XKR6: variants seen among roughly 807,000 people sequenced by gnomAD.
XKR6 encodes the protein XK-related protein 6.
Under a neutral mutation model 56.7 loss-of-function variants are expected in XKR6, and 22 were observed. That is an observed-to-expected ratio of 0.39 (90% confidence interval 0.28 to 0.55). The LOEUF is 0.55. Ranked by LOEUF, XKR6 falls within the 20% of genes least tolerant of loss-of-function variation. The pLI, the probability that XKR6 is intolerant of heterozygous loss-of-function variation, is 0.66. For synonymous variants in XKR6, 524 were observed against 387.8 expected (o/e 1.35, Z -4.13); for missense variants, 852 against 889.0 (o/e 0.96, Z 0.53).
chr8:11,042,048 C>T (rs1160214492), intron 1 of XKR6, among the ~76,000 whole-genome samples: 2 of 152,164 alleles, frequency 1.3e-5, no homozygotes, highest in Non-Finnish European at 2.9e-5. Context: ...TTGCAGTGGT[C>T]CTTTATGATT....
At chr8:10,965,883 G>T (rs917703851) in intron 1 of XKR6, among the ~76,000 whole-genome samples, 3 of 152,302 alleles carry the variant, frequency 2.0e-5, no homozygotes, top group Non-Finnish European at 2.9e-5. Flanking sequence ...ACACCCAGCA[G>T]GTGTGGGCCA....
intron 1 of XKR6, among the ~76,000 whole-genome samples, chr8:11,179,506 T>C (rs1363867807): frequency 6.6e-6 from 1 of 152,180 alleles, no homozygotes; most frequent in Non-Finnish European, 1.5e-5. Context: ...TATGCACATG[T>C]GTGTGTGTCC....
intron 1 of XKR6, chr8:11,104,886 C>T (rs1252230037): frequency 6.6e-6 from 1 of 152,136 alleles, no homozygotes; most frequent in East Asian, 1.9e-4. Flanking sequence ...GGTTTCAGTG[C>T]TTTTTCACAT....
intron 1 of XKR6, chr8:11,062,833 G>A (rs773046582): frequency 2.4e-5 from 11 of 456,256 alleles, no homozygotes; most frequent in Middle Eastern, 3.3e-4. Flanking sequence ...CAGCGTGGCC[G>A]TGCGCCTGAG....
intron 1 of XKR6, among the ~76,000 whole-genome samples, chr8:10,957,574 T>C (rs1416274621): frequency 6.6e-6 from 1 of 152,252 alleles, no homozygotes; most frequent in East Asian, 1.9e-4. Context: ...CCTGGGATGC[T>C]GATGGCGCAG....
intron 1 of XKR6, among the ~76,000 whole-genome samples, chr8:11,001,322 A>C (rs1264297601): frequency 2.0e-5 from 3 of 152,120 alleles, no homozygotes; most frequent in Non-Finnish European, 4.4e-5. Flanking sequence ...CTAGTGAATA[A>C]ATGGCCTCTT....
rs568313148 is a variant in XKR6 at position 11,148,322 on chromosome 8, G to A, written c.764+52254C>T. Among the ~76,000 whole-genome samples the A allele has an allele frequency of 2.6e-5, 4 of 152,334 alleles. No individual in the cohort carries two copies. The East Asian group carries it at 7.7e-4, about 29-fold the overall frequency. On this transcript the variant is annotated intron_variant, in intron 1 of 2. Coordinates refer to ENST00000416569, the MANE Select transcript of XKR6 (RefSeq NM_173683.4). ...AATAGGAAATTTGGACACAGAAAGT[G>A]ACACGGGATGTGCATGCTCAGAGCA...
chr8:11,096,973 G>C (rs1354187664), intron 1 of XKR6, among the ~76,000 whole-genome samples: 1 of 152,164 alleles, frequency 6.6e-6, no homozygotes, highest in African/African-American at 2.4e-5. Context: ...CACATCCTTT[G>C]TACCATCTGA....
chr8:11,005,436 T>C (rs924053155), intron 1 of XKR6, among the ~76,000 whole-genome samples: 1 of 152,116 alleles, frequency 6.6e-6, no homozygotes, highest in African/African-American at 2.4e-5. Context: ...AGTTATTTAA[T>C]GGGCATGGAG....
intron 1 of XKR6, among the ~76,000 whole-genome samples, chr8:11,079,974 T>A (rs1319270264): frequency 2.0e-5 from 3 of 151,518 alleles, no homozygotes; most frequent in Non-Finnish European, 4.4e-5. Context: ...TCTCAAAAAA[T>A]AAATAAATAA....
chr8:11,050,750 C>A (rs1799526568), intron 1 of XKR6, among the ~76,000 whole-genome samples: 2 of 152,180 alleles, frequency 1.3e-5, no homozygotes, highest in South Asian at 4.2e-4. Flanking sequence ...GCTTACATGC[C>A]CTCTGCCTGT....
chr8:11,102,111 T>G (rs1798506059), intron 1 of XKR6, among the ~76,000 whole-genome samples: 1 of 152,188 alleles, frequency 6.6e-6, no homozygotes, highest in African/African-American at 2.4e-5. Context: ...AACAGTTCTT[T>G]TCTTCCTTAA....
Position 11,200,590 on chromosome 8 carries a change from C to T in XKR6, c.750G>A (p.Met250Ile), listed in dbSNP as rs1804158534. 1 of 1,519,794 alleles carries T rather than the reference C, an allele frequency of 6.6e-7. No individual in the cohort carries two copies. The allele number at this position is 1,519,794 out of a possible 1,614,324, so 94.1% of individuals were successfully genotyped here. Residue 250 changes from methionine (M) to isoleucine (I), a missense_variant, in exon 1 of 3, where the codon ATG (methionine) becomes ATA (isoleucine). Around this residue, in one of 4 missense-constraint regions of XKR6, gnomAD observed 199 missense variants for 280.4 expected, o/e 0.71. Transcript: ENST00000416569. This position sits in a 1 kb window ranked among gnomAD's most constrained non-coding sequence, Gnocchi z 6.4. ...AGTGCTCTTACCTCCACACCTGCCC[C>T]ATCTGCAGCAGGTGGATGACCGACT... ...IWQSVIHLLQMGQVWRYIRTM... is the reference protein window; with the variant it reads ...IWQSVIHLLQIGQVWRYIRTM...
intron 1 of XKR6, among the ~76,000 whole-genome samples, chr8:11,061,409 G>C (rs959471051): frequency 6.6e-6 from 1 of 152,044 alleles, no homozygotes; most frequent in Non-Finnish European, 1.5e-5. Context: ...TGAGGATGCA[G>C]TGAGTTGTGA....
At chr8:11,128,953 GT>G (rs1563158357) in intron 1 of XKR6, 1 of 456,638 alleles carries the variant, frequency 2.2e-6, no homozygotes, top group Non-Finnish European at 4.4e-6. Context: ...CAGCCAGAAA[GT>G]CTTTTTTTCA....
chr8:11,167,672 CT>C (rs1802148192), intron 1 of XKR6, among the ~76,000 whole-genome samples: 1 of 152,122 alleles, frequency 6.6e-6, no homozygotes, highest in African/African-American at 2.4e-5. Context: ...AGACCTTAAG[CT>C]TTTTCACCTT....
intron 1 of XKR6, among the ~76,000 whole-genome samples, chr8:11,092,914 G>T (rs1164669714): frequency 6.6e-6 from 1 of 152,230 alleles, no homozygotes; most frequent in Non-Finnish European, 1.5e-5. Flanking sequence ...GAGACCTGGA[G>T]CAACTGGCCC....
intron 1 of XKR6, among the ~76,000 whole-genome samples, chr8:11,023,062 C>A (rs893633663): frequency 6.6e-6 from 1 of 152,178 alleles, no homozygotes; most frequent in Admixed American, 6.5e-5. Flanking sequence ...AACTCCAGAC[C>A]AAAGGCTCAG....
chr8:11,172,056 A>T (rs963638420), intron 1 of XKR6, among the ~76,000 whole-genome samples: 7 of 150,020 alleles, frequency 4.7e-5, no homozygotes, highest in African/African-American at 1.7e-4. Context: ...CCCTGTCAAA[A>T]AATAAGAAAA....
Sources: allele counts gnomAD v4.1 joint callset (sites outside exome capture counted in the v4.1 genomes callset), GRCh38; gene constraint gnomAD v4.1.1; regional missense constraint gnomAD v4.1.1; non-coding constraint Gnocchi (gnomAD v3.1); transcripts MANE v1.5; gene names NCBI Gene and HGNC (gene_info 2026-07-23, HGNC 2026-07-21).